Variants in MARCHF8 observed in about 807,000 individuals in gnomAD.
The protein encoded by MARCHF8 is membrane associated ring-CH-type finger 8.
In MARCHF8, 40 loss-of-function variants were observed where a neutral mutation model predicts 51.6. The observed-to-expected ratio is 0.77, with a 90% CI of 0.60 to 1.01. MARCHF8 has a LOEUF of 1.01. Among genes scored for constraint, MARCHF8 ranks in the 50% least tolerant of loss-of-function variants. The pLI, the probability that MARCHF8 is intolerant of heterozygous loss-of-function variation, is 0.00. For missense variants in MARCHF8, 685 were observed against 708.6 expected, an observed-to-expected ratio of 0.97 and a Z score of 0.38; for synonymous variants, 263 against 280.3, an observed-to-expected ratio of 0.94 and a Z score of 0.62.
chr10:45,571,147 A>T (rs1381991952), intron 1 of MARCHF8, among the ~76,000 whole-genome samples: 2 of 152,226 alleles, frequency 1.3e-5, no homozygotes, highest in African/African-American at 4.8e-5. Flanking sequence ...AAACAATCTT[A>T]AAAAAGAACA....
At chr10:45,558,874 TAGAAC>T (rs2044280458) in intron 1 of MARCHF8, among the ~76,000 whole-genome samples, 1 of 152,114 alleles carries the variant, frequency 6.6e-6, no homozygotes, top group Non-Finnish European at 1.5e-5. Flanking sequence ...TTTGAATAAA[TAGAAC>T]AGAACACATT....
At chr10:45,560,587 C>T (rs941066712) in intron 1 of MARCHF8, among the ~76,000 whole-genome samples, 5 of 152,208 alleles carry the variant, frequency 3.3e-5, no homozygotes, top group Admixed American at 6.5e-5. Context: ...CTTTACAGCA[C>T]CCTCCTCGGG....
intron 2 of MARCHF8, among the ~76,000 whole-genome samples, chr10:45,502,074 T>C (rs1021222987): frequency 6.6e-6 from 1 of 152,186 alleles, no homozygotes; most frequent in African/African-American, 2.4e-5. Flanking sequence ...GAAAAAACTT[T>C]GGAAGTTTCT....
At chr10:45,487,555 C>T (rs1268347113) in intron 3 of MARCHF8, among the ~76,000 whole-genome samples, 1 of 152,180 alleles carries the variant, frequency 6.6e-6, no homozygotes, top group Non-Finnish European at 1.5e-5. Flanking sequence ...AAATGGGCAG[C>T]AATGGTTTAC....
chr10:45,557,319 G>A (rs1479328677), intron 1 of MARCHF8, among the ~76,000 whole-genome samples: 1 of 151,564 alleles, frequency 6.6e-6, no homozygotes. Context: ...AGTAGAGACG[G>A]GGTTTTGCCA....
chr10:45,545,074 G>C (rs1365284711), intron 1 of MARCHF8, among the ~76,000 whole-genome samples: 6 of 152,126 alleles, frequency 3.9e-5, no homozygotes, highest in African/African-American at 1.4e-4. Flanking sequence ...TGACCATCCT[G>C]ACAGAGGAAA....
chr10:45,537,935 AAGAT>A (rs1432291796), upstream of MARCHF8, among the ~76,000 whole-genome samples: 1 of 152,080 alleles, frequency 6.6e-6, no homozygotes. Context: ...TAAAAGGACT[AAGAT>A]AGATAGAGAA....
At chr10:45,579,859 C>T (rs922973751) in intron 1 of MARCHF8, among the ~76,000 whole-genome samples, 9 of 151,764 alleles carry the variant, frequency 5.9e-5, no homozygotes, top group African/African-American at 2.2e-4. Flanking sequence ...ACTAAAAATA[C>T]AAAAGTTAGC....
chr10:45,593,090 G>C (rs966209814), intron 1 of MARCHF8, among the ~76,000 whole-genome samples: 1 of 149,512 alleles, frequency 6.7e-6, no homozygotes, highest in Non-Finnish European at 1.5e-5. Context: ...TTAAGCCAAA[G>C]ATCAGGGAAG....
upstream of MARCHF8, among the ~76,000 whole-genome samples, chr10:45,539,280 C>G (rs1319526639): frequency 7.9e-5 from 12 of 152,066 alleles, no homozygotes; most frequent in Non-Finnish European, 1.6e-4. Flanking sequence ...TGAGAACAAA[C>G]ACACAACATA....
At chr10:45,587,361 T>C (rs140535349) in intron 1 of MARCHF8, among the ~76,000 whole-genome samples, 1 of 152,258 alleles carries the variant, frequency 6.6e-6, no homozygotes, top group East Asian at 1.9e-4. Flanking sequence ...GATATTAAGA[T>C]ATAAATTCAA....
intron 5 of MARCHF8, among the ~76,000 whole-genome samples, 179 bp downstream of exon 5, chr10:45,462,972 T>C (rs909903101): frequency 1.3e-5 from 2 of 152,220 alleles, no homozygotes; most frequent in Non-Finnish European, 2.9e-5. Flanking sequence ...GGGACTCACA[T>C]CATAAAAATT....
At chr10:45,468,173 TA>T (rs2132963027) in intron 3 of MARCHF8, among the ~76,000 whole-genome samples, 1 of 152,368 alleles carries the variant, frequency 6.6e-6, no homozygotes, top group East Asian at 1.9e-4. Flanking sequence ...TTCACCATTT[TA>T]AATGATTTTA....
In MARCHF8 at chr10:45,461,481, G is replaced by A; in HGVS notation, c.1089-70C>T. 3 of 1,334,984 alleles carry A rather than the reference G, an allele frequency of 2.2e-6. No homozygotes were observed. The South Asian group carries it at 5.1e-5, about 23-fold the overall frequency. 82.7% of individuals were successfully genotyped at this position (1,334,984 alleles called of 1,614,324 possible). A position where few individuals can be genotyped will look rare whatever the true frequency, so the allele number is the denominator to read the frequency against. ...CAGGGAAGCTGACACTTCAGTGGCA[G>A]GTTAATCCCCCCAAAGGAAACTCAG... On this transcript the variant is annotated intron_variant, in intron 5 of 7. Coordinates refer to ENST00000453424, the MANE Select transcript of MARCHF8 (RefSeq NM_001282866.2).
intron 1 of MARCHF8, among the ~76,000 whole-genome samples, chr10:45,580,921 C>A (rs1376999188): frequency 7.2e-5 from 11 of 152,146 alleles, no homozygotes; most frequent in Non-Finnish European, 1.5e-4. Flanking sequence ...CAGGGCCACA[C>A]CTGACTCCAG....
intron 1 of MARCHF8, among the ~76,000 whole-genome samples, chr10:45,555,833 G>A (rs2044246748): frequency 6.6e-6 from 1 of 151,970 alleles, no homozygotes. Flanking sequence ...GCCATTTTTG[G>A]AAATGCTAGG....
intron 2 of MARCHF8, among the ~76,000 whole-genome samples, chr10:45,496,862 T>G (rs1342866099): frequency 6.6e-6 from 1 of 151,874 alleles, no homozygotes; most frequent in Non-Finnish European, 1.5e-5. Flanking sequence ...TTTAAGGAAT[T>G]AAAATATTAC....
chr10:45,505,919 C>T (rs1256918557), intron 2 of MARCHF8, among the ~76,000 whole-genome samples: 1 of 152,184 alleles, frequency 6.6e-6, no homozygotes, highest in Non-Finnish European at 1.5e-5. Flanking sequence ...GCCATGGCCC[C>T]ATAGTTGAAA....
intron 2 of MARCHF8, among the ~76,000 whole-genome samples, chr10:45,493,500 A>G (rs1024834663): frequency 2.4e-4 from 36 of 152,174 alleles, no homozygotes; most frequent in African/African-American, 7.0e-4. Context: ...CTTTTCATCT[A>G]CATTCAACAT....
Sources: allele counts gnomAD v4.1 joint callset (sites outside exome capture counted in the v4.1 genomes callset), GRCh38; gene constraint gnomAD v4.1.1; transcripts MANE v1.5; gene names NCBI Gene and HGNC (gene_info 2026-07-23, HGNC 2026-07-21).